Variants in CALN1 observed in about 807,000 individuals in gnomAD.
CALN1 encodes the protein calneuron 1, also known as calcium-binding protein 8.
A neutral mutation model predicts 30.6 loss-of-function variants in CALN1; 17 were observed. The ratio of observed to expected loss-of-function variants is 0.56; its 90% CI spans 0.38 to 0.83. The LOEUF (loss-of-function observed/expected upper bound fraction) is 0.83. Ranked by LOEUF, CALN1 falls within the 40% of genes least tolerant of loss-of-function variation. The probability of loss-of-function intolerance (pLI) is 0.00; values close to 1 mark genes in which losing one functional copy is unlikely to be tolerated. For missense variants in CALN1, 291 were observed against 354.9 expected (o/e 0.82, Z 1.45); for synonymous variants, 156 against 131.4 (o/e 1.19, Z -1.28).
chr7:72,205,341 C>T (rs1791748614), intron 3 of CALN1, among the ~76,000 whole-genome samples: 1 of 151,318 alleles, frequency 6.6e-6, no homozygotes, highest in South Asian at 2.1e-4. Context: ...GCTGGGATTA[C>T]AGGCATGTAC....
chr7:72,124,477 A>C (rs1476032466), intron 3 of CALN1, among the ~76,000 whole-genome samples: 1 of 152,074 alleles, frequency 6.6e-6, no homozygotes. Context: ...CCGTTTCTAT[A>C]AAGAATTTTA....
At chr7:72,007,544 C>T (rs1799842542) in intron 5 of CALN1, among the ~76,000 whole-genome samples, 1 of 152,156 alleles carries the variant, frequency 6.6e-6, no homozygotes, top group African/African-American at 2.4e-5. Context: ...GAGACTCTGT[C>T]TCAAAACACA....
intron 3 of CALN1, among the ~76,000 whole-genome samples, chr7:72,241,147 T>C (rs978701622): frequency 4.2e-4 from 64 of 152,368 alleles, no homozygotes; most frequent in African/African-American, 1.5e-3. Flanking sequence ...TGAATAGTTT[T>C]AGTTCAAGTA....
At chr7:72,498,958 T>C in the CALN1 span, among the ~76,000 whole-genome samples, 1 of 152,120 alleles carries the variant, frequency 6.6e-6, no homozygotes. Flanking sequence ...AATTGTTCCT[T>C]GGAAAAAGGA....
Position 72,051,539 on chromosome 7 carries a change from C to T in CALN1, c.389-27770G>A, listed in dbSNP as rs545392130. ...TTCCTGTTGTTGAGAAATAGACACT[C>T]CTCATGTTATATTAACTGTTCCAGG... On this transcript the variant is annotated intron_variant, in intron 4 of 6. Transcript: ENST00000395275. Among the ~76,000 whole-genome samples, 24 of 152,244 alleles carry T rather than the reference C, an allele frequency of 1.6e-4. No individual in the cohort carries two copies. The South Asian group carries it at 4.8e-3, about 30-fold the overall frequency.
At chr7:72,114,234 A>C (rs1343197047) in intron 3 of CALN1, among the ~76,000 whole-genome samples, 1 of 96,684 alleles carries the variant, frequency 1.0e-5, no homozygotes, top group Non-Finnish European at 2.0e-5. Flanking sequence ...TAAAAGTAAA[A>C]ATAAAAGTTG....
intron 4 of CALN1, among the ~76,000 whole-genome samples, chr7:72,054,464 T>TAC (rs1398201770): frequency 9.3e-4 from 117 of 126,176 alleles, no homozygotes; most frequent in African/African-American, 2.4e-3. Flanking sequence ...TATACATATA[T>TAC]ATACATATAT....
At chr7:72,288,700 G>A (rs1229765408) in intron 2 of CALN1, among the ~76,000 whole-genome samples, 1 of 151,930 alleles carries the variant, frequency 6.6e-6, no homozygotes, top group Non-Finnish European at 1.5e-5. Context: ...CTTTTTATAT[G>A]GCTTTTACTC....
intron 4 of CALN1, among the ~76,000 whole-genome samples, chr7:72,102,100 G>C (rs1045803653): frequency 6.6e-6 from 1 of 152,096 alleles, no homozygotes; most frequent in Non-Finnish European, 1.5e-5. Context: ...CACGATCTTG[G>C]CTCACCGCAA....
intron 4 of CALN1, among the ~76,000 whole-genome samples, chr7:72,038,381 T>G: frequency 1.3e-5 from 2 of 152,074 alleles, no homozygotes; most frequent in Middle Eastern, 6.8e-3. Context: ...CTATTTTTTT[T>G]TTTTTCTTTT....
At chr7:71,984,501 A>C (rs867311282) in intron 5 of CALN1, among the ~76,000 whole-genome samples, 1 of 152,160 alleles carries the variant, frequency 6.6e-6, no homozygotes, top group African/African-American at 2.4e-5. Context: ...AGAAGAGTTA[A>C]CTTGCCCCCA....
intron 5 of CALN1, among the ~76,000 whole-genome samples, chr7:71,977,133 G>C (rs1199428312): frequency 6.6e-6 from 1 of 152,096 alleles, no homozygotes; most frequent in Non-Finnish European, 1.5e-5. Flanking sequence ...ACTGATTTTG[G>C]TCAAAAACCA....
chr7:72,112,723 T>A (rs1004465963), intron 3 of CALN1, among the ~76,000 whole-genome samples: 1 of 152,210 alleles, frequency 6.6e-6, no homozygotes, highest in African/African-American at 2.4e-5. Flanking sequence ...TTTACTTATA[T>A]GTCAGGGGCT....
At chr7:72,334,706 G>T (rs1396670849) in intron 2 of CALN1, among the ~76,000 whole-genome samples, 1 of 152,240 alleles carries the variant, frequency 6.6e-6, no homozygotes, top group Admixed American at 6.5e-5. Context: ...TGACATCTTG[G>T]TGAACAATTC....
intron 3 of CALN1, among the ~76,000 whole-genome samples, chr7:72,186,995 C>T (rs962213347): frequency 6.8e-6 from 1 of 146,254 alleles, no homozygotes; most frequent in African/African-American, 2.5e-5. Flanking sequence ...CAGAAAGGGA[C>T]AGGGCAAGTA....
intron 3 of CALN1, among the ~76,000 whole-genome samples, chr7:72,226,396 C>T (rs981645559): frequency 1.3e-5 from 2 of 151,990 alleles, no homozygotes; most frequent in Admixed American, 6.6e-5. Flanking sequence ...AATGCATAGT[C>T]TAGCCCATAG....
At chr7:72,125,180 T>C (rs1277702536) in intron 3 of CALN1, among the ~76,000 whole-genome samples, 2 of 152,054 alleles carry the variant, frequency 1.3e-5, no homozygotes, top group Non-Finnish European at 2.9e-5. Context: ...TCCCAGCTAA[T>C]CTGTGTATTT....
At chr7:72,054,612 A>T (rs1479322882) in intron 4 of CALN1, among the ~76,000 whole-genome samples, 1 of 150,462 alleles carries the variant, frequency 6.6e-6, no homozygotes, top group African/African-American at 2.4e-5. Context: ...CTTTTGCAGG[A>T]ACATGAATGG....
intron 6 of CALN1, among the ~76,000 whole-genome samples, chr7:71,800,252 G>C (rs1439636085): frequency 2.0e-5 from 3 of 152,146 alleles, no homozygotes; most frequent in Admixed American, 1.3e-4. Flanking sequence ...TTCATGGGAT[G>C]GATGAGGAAA....
Sources: allele counts gnomAD v4.1 joint callset (sites outside exome capture counted in the v4.1 genomes callset), GRCh38; gene constraint gnomAD v4.1.1; transcripts MANE v1.5; gene names NCBI Gene and HGNC (gene_info 2026-07-23, HGNC 2026-07-21).